The following PTPRD variants were observed in gnomAD, a reference collection of about 807,000 sequenced individuals.
PTPRD encodes receptor-type tyrosine-protein phosphatase delta.
PTPRD carries 34 observed loss-of-function variants against 214.5 expected under a neutral mutation model. The observed-to-expected ratio is 0.16, with a 90% CI of 0.12 to 0.21. The LOEUF (loss-of-function observed/expected upper bound fraction) is 0.21. Ranked by LOEUF, PTPRD falls within the 10% of genes least tolerant of loss-of-function variation. The pLI is 1.00. For missense variants in PTPRD, 2,545 were observed against 2,398.7 expected, an observed-to-expected ratio of 1.06 and a Z score of -1.27; for synonymous variants, 1,128 against 845.7, an observed-to-expected ratio of 1.33 and a Z score of -5.79.
chr9:10,508,349 G>C (rs1230114847), intron 2 of PTPRD, among the ~76,000 whole-genome samples: 1 of 152,170 alleles, frequency 6.6e-6, no homozygotes. Context: ...CTGTTGGTGG[G>C]ACTGTAAACT....
At chr9:10,011,078 G>T (rs1244122779) in intron 4 of PTPRD, among the ~76,000 whole-genome samples, 2 of 151,922 alleles carry the variant, frequency 1.3e-5, no homozygotes, top group Non-Finnish European at 2.9e-5. Context: ...ATTGCTTTAA[G>T]AAGAAAGTCA....
chr9:9,611,574 T>A (rs1044385593), intron 7 of PTPRD, among the ~76,000 whole-genome samples: 9 of 152,062 alleles, frequency 5.9e-5, no homozygotes, highest in African/African-American at 2.2e-4. Context: ...ACTATAAACA[T>A]AGTCATATAT....
At chr9:9,085,399 T>C (rs2099765571) in intron 10 of PTPRD, among the ~76,000 whole-genome samples, 1 of 152,174 alleles carries the variant, frequency 6.6e-6, no homozygotes, top group Non-Finnish European at 1.5e-5. Flanking sequence ...AAATTCTTCT[T>C]TCAAGATGCG....
At chr9:8,328,515 C>T (rs1362208904) in intron 44 of PTPRD, among the ~76,000 whole-genome samples, 12 of 152,084 alleles carry the variant, frequency 7.9e-5, no homozygotes, top group East Asian at 1.9e-4. Context: ...TTGCTCTTCT[C>T]GAAGAATATC....
intron 11 of PTPRD, among the ~76,000 whole-genome samples, chr9:8,975,813 T>G (rs992999444): frequency 2.0e-5 from 3 of 151,562 alleles, no homozygotes; most frequent in Non-Finnish European, 4.4e-5. Flanking sequence ...TGTATATATA[T>G]ATACACATCC....
chr9:8,639,275 T>C (rs932768838), intron 12 of PTPRD, among the ~76,000 whole-genome samples: 23 of 152,330 alleles, frequency 1.5e-4, no homozygotes, highest in Admixed American at 2.0e-4. Flanking sequence ...ACAATGCAAA[T>C]TGATAATAAC....
chr9:10,384,925 C>T (rs1192415799), intron 2 of PTPRD, among the ~76,000 whole-genome samples: 2 of 151,786 alleles, frequency 1.3e-5, no homozygotes, highest in Non-Finnish European at 2.9e-5. Flanking sequence ...TGGACTCTCA[C>T]TGGGATTCTA....
intron 7 of PTPRD, among the ~76,000 whole-genome samples, chr9:9,639,658 CAT>C (rs1425382174): frequency 6.6e-6 from 1 of 152,150 alleles, no homozygotes; most frequent in Non-Finnish European, 1.5e-5. Context: ...TTTTTAAAAA[CAT>C]AAATACCTTT....
At chr9:9,277,555 C>A (rs1946143367) in intron 9 of PTPRD, among the ~76,000 whole-genome samples, 2 of 151,206 alleles carry the variant, frequency 1.3e-5, no homozygotes, top group Admixed American at 6.6e-5. Context: ...ATCTCTTACC[C>A]AAATATTAAA....
chr9:9,518,096 A>G (rs1046766486), intron 8 of PTPRD, among the ~76,000 whole-genome samples: 2 of 152,076 alleles, frequency 1.3e-5, no homozygotes, highest in African/African-American at 4.8e-5. Context: ...ACTTCAAGTA[A>G]TGACTCTGCT....
At chr9:10,146,050 A>G (rs985049616) in intron 3 of PTPRD, among the ~76,000 whole-genome samples, 9 of 151,802 alleles carry the variant, frequency 5.9e-5, no homozygotes, top group South Asian at 2.1e-4. Context: ...TGCAGATGTA[A>G]TATTTTTAGA....
intron 14 of PTPRD, among the ~76,000 whole-genome samples, chr9:8,533,894 A>T (rs1363993409): frequency 2.0e-5 from 3 of 152,004 alleles, no homozygotes; most frequent in African/African-American, 4.8e-5. Flanking sequence ...ACCATTCCTC[A>T]ATGCCACTCA....
At chr9:8,629,795 C>G (rs149819651) in intron 14 of PTPRD, among the ~76,000 whole-genome samples, 2 of 151,914 alleles carry the variant, frequency 1.3e-5, no homozygotes, top group East Asian at 3.9e-4. Flanking sequence ...CCTCCCCCCT[C>G]TCCTACTTCT....
Position 9,562,931 on chromosome 9 carries a change from T to C in PTPRD, c.-237+11801A>G, listed in dbSNP as rs114443101. Among the ~76,000 whole-genome samples the C allele has an allele frequency of 3.2e-3, 493 of 152,308 alleles. 2 individuals are homozygous for C. Among genetic ancestry groups the C allele is most frequent in the African/African-American group, 0.011 (471 of 41,572 alleles). ...TGTGGGCAGACATCTTTGCCGCTTG[T>C]ATTTACGGTGTAACTCAAGCAGAAA... On this transcript the variant is annotated intron_variant, in intron 8 of 45. Coordinates refer to ENST00000381196, the MANE Select transcript of PTPRD (RefSeq NM_002839.4).
chr9:9,620,859 G>C (rs1297325306), intron 7 of PTPRD, among the ~76,000 whole-genome samples: 2 of 123,928 alleles, frequency 1.6e-5, no homozygotes. Context: ...CAAATTGAAA[G>C]AGAGGAGAAA....
Position 9,123,049 on chromosome 9 carries a change from A to G in PTPRD, c.-143+60255T>C, listed in dbSNP as rs75566185. ...TTGTTTGTTTGTTTTAGCAAGCCTG[A>G]TATCTTTGGACAGAAGGAGAAATGA... On this transcript the variant is annotated intron_variant, in intron 10 of 45. Transcript: ENST00000381196. 1.9e-3 allele frequency among the ~76,000 whole-genome samples: 295 copies of G among 152,304 alleles called. 1 individual carries two copies. The highest frequency in any genetic ancestry group is 6.7e-3 in the African/African-American group (279 of 41,564).
chr9:9,541,937 G>A (rs1026066415), intron 8 of PTPRD, among the ~76,000 whole-genome samples: 1 of 151,672 alleles, frequency 6.6e-6, no homozygotes, highest in East Asian at 1.9e-4. Context: ...AGATTCTAGA[G>A]AAAGAAGTTA....
intron 8 of PTPRD, among the ~76,000 whole-genome samples, chr9:9,487,052 A>G (rs1029489218): frequency 6.6e-6 from 1 of 151,706 alleles, no homozygotes; most frequent in Non-Finnish European, 1.5e-5. Context: ...GTCATTACTC[A>G]TTTTCTTTTT....
intron 2 of PTPRD, among the ~76,000 whole-genome samples, chr9:10,565,887 C>G (rs1317383094): frequency 6.6e-6 from 1 of 151,782 alleles, no homozygotes; most frequent in East Asian, 1.9e-4. Context: ...TATAAATGTT[C>G]AAGCCCCTCC....
Sources: allele counts gnomAD v4.1 joint callset (sites outside exome capture counted in the v4.1 genomes callset), GRCh38; gene constraint gnomAD v4.1.1; transcripts MANE v1.5; gene names NCBI Gene and HGNC (gene_info 2026-07-23, HGNC 2026-07-21).